The following PCDHGB1 variants were observed in gnomAD, a reference collection of about 807,000 sequenced individuals.
The protein encoded by PCDHGB1 is protocadherin gamma subfamily B, 1.
A neutral mutation model predicts 56.6 loss-of-function variants in PCDHGB1; 34 were observed. The ratio of observed to expected loss-of-function variants is 0.60; its 90% CI spans 0.46 to 0.80. PCDHGB1 has a LOEUF of 0.80. PCDHGB1 is among the 30% of genes least tolerant of loss of function. The pLI is 0.00. For synonymous variants in PCDHGB1, 561 were observed against 505.9 expected, an observed-to-expected ratio of 1.11 and a Z score of -1.46; for missense variants, 1,278 against 1,204.6, an observed-to-expected ratio of 1.06 and a Z score of -0.90.
intron 1 of PCDHGB1, among the ~76,000 whole-genome samples, chr5:141,424,884 T>C (rs953145254): frequency 2.0e-5 from 3 of 152,186 alleles, no homozygotes; most frequent in Non-Finnish European, 4.4e-5. Flanking sequence ...AGGAGACTTA[T>C]CTAGGGTTTT....
Position 141,351,941 on chromosome 5 carries a change from C to A in PCDHGB1, c.1681C>A (p.Pro561Thr). 1.2e-6 allele frequency: 2 copies of A among 1,613,206 alleles called. No individual in the cohort carries two copies. Among genetic ancestry groups the A allele is most frequent in the East Asian group, 2.2e-5 (1 of 44,868 alleles). Reference sequence around the variant, plus strand: ...TGACAATGCGCCACGGGTGCTGTACCCCGCGCTGGGGCCTGATGGCTCCGC... The same window carrying A: ...TGACAATGCGCCACGGGTGCTGTACACCGCGCTGGGGCCTGATGGCTCCGC... ...LNDNAPRVLY[P>T]ALGPDGSALF... Residue 561 changes from proline to threonine, a missense_variant, in exon 1 of 4, where the codon CCC becomes ACC. By Grantham distance (38) the Pro-to-Thr change is conservative. Transcript: ENST00000523390.
chr5:141,366,064 G>C (rs761173450), intron 1 of PCDHGB1: 2 of 1,614,106 alleles, frequency 1.2e-6, no homozygotes, highest in Non-Finnish European at 1.7e-6. Flanking sequence ...TGGAGCTGGC[G>C]CCTCGCTCCG....
intron 1 of PCDHGB1, among the ~76,000 whole-genome samples, chr5:141,406,072 C>CTTT (rs530474569): frequency 7.1e-6 from 1 of 141,484 alleles, no homozygotes. Flanking sequence ...ATTCTTACTC[C>CTTT]TTTTTTTTTT....
chr5:141,417,644 AG>A, intron 1 of PCDHGB1: 1 of 779,202 alleles, frequency 1.3e-6, no homozygotes, highest in South Asian at 2.1e-5. Flanking sequence ...GGGATCCCTC[AG>A]CCTCTAGCCT....
intron 2 of PCDHGB1, among the ~76,000 whole-genome samples, chr5:141,500,189 TTTATTTA>T (rs1562193869): frequency 4.5e-5 from 5 of 110,894 alleles, no homozygotes; most frequent in African/African-American, 1.8e-4. Context: ...TTTATTTTTA[TTTATTTA>T]TTTATTTATT....
rs764658508 is a variant in PCDHGB1 at position 141,431,546 on chromosome 5, G to A, written c.2410-63261G>A. 1.2e-6 allele frequency: 2 copies of A among 1,614,000 alleles called. No homozygotes were observed. Among genetic ancestry groups the A allele is most frequent in the Admixed American group, 3.3e-5 (2 of 60,012 alleles). On this transcript the variant is annotated intron_variant, in intron 1 of 3. Coordinates refer to ENST00000523390, the MANE Select transcript of PCDHGB1 (RefSeq NM_018922.3). This position sits in a 1 kb window ranked among gnomAD's most constrained non-coding sequence, Gnocchi z 4.8. The stretch of plus-strand genomic sequence containing the variant: ...TCTGGCCTTGGGCACGCAGCTGCTT[G>A]TAGTCAACGCTACCGACCCTGACGA...
intron 1 of PCDHGB1, chr5:141,421,255 C>A (rs759899934): frequency 1.9e-6 from 3 of 1,607,644 alleles, no homozygotes; most frequent in Non-Finnish European, 2.5e-6. Context: ...GCGCGGGGAC[C>A]GCAGTCGGCT....
intron 1 of PCDHGB1, chr5:141,422,273 C>T: frequency 6.4e-7 from 1 of 1,560,808 alleles, no homozygotes; most frequent in Non-Finnish European, 8.6e-7. Flanking sequence ...CCAGAAATAA[C>T]TATCACCTCT....
intron 1 of PCDHGB1, among the ~76,000 whole-genome samples, chr5:141,450,829 A>ATTTT (rs373424450): frequency 2.2e-4 from 30 of 135,142 alleles, no homozygotes; most frequent in African/African-American, 6.3e-4. Flanking sequence ...TATTATTATT[A>ATTTT]TTTTTTTTTT....
rs762418103 is a variant in PCDHGB1 at position 141,364,738 on chromosome 5, A to G, written c.2409+12069A>G. Reference sequence around the variant, plus strand: ...ATAACTTCCCGCGTTTCCGGGATGAAGAGTTAAAAGTAAAAGTTAATGAAA... The same window carrying G: ...ATAACTTCCCGCGTTTCCGGGATGAGGAGTTAAAAGTAAAAGTTAATGAAA... On this transcript the variant is annotated intron_variant, in intron 1 of 3. Transcript: ENST00000523390. The G allele has an allele frequency of 3.1e-6, 5 of 1,613,948 alleles. 1 individual carries two copies. In the South Asian group the frequency reaches 5.5e-5, roughly 18 times the overall value.
chr5:141,468,419 G>A (rs1733006381), intron 1 of PCDHGB1: 1 of 151,826 alleles, frequency 6.6e-6, no homozygotes, highest in Admixed American at 6.6e-5. Flanking sequence ...AAGTTAGATA[G>A]CAAGGTAATA....
chr5:141,385,298 G>A (rs1409031209), intron 1 of PCDHGB1: 2 of 1,612,982 alleles, frequency 1.2e-6, no homozygotes, highest in Non-Finnish European at 8.5e-7. Context: ...TTTCAGGAAT[G>A]TAAAGAAAAC....
intron 1 of PCDHGB1, chr5:141,398,580 A>T: frequency 1.2e-6 from 2 of 1,614,044 alleles, no homozygotes; most frequent in Non-Finnish European, 1.7e-6. Flanking sequence ...CTGGCACAAG[A>T]TTTATACTAG....
Position 141,352,128 on chromosome 5 carries a change from G to A in PCDHGB1, c.1868G>A (p.Arg623His), listed in dbSNP as rs369451031. ...CTGGGGTTGCGCACGGGTGAGGTGCGCACAGCGCGTGCCTTGGGCGACAGG... is the reference window on the plus strand; with the variant it reads ...CTGGGGTTGCGCACGGGTGAGGTGCACACAGCGCGTGCCTTGGGCGACAGG... ...FSLGLRTGEV[R>H]TARALGDRDA... is the part of the protein sequence containing the mutation. Residue 623 changes from arginine (R) to histidine (H), a missense_variant, in exon 1 of 4, where the codon CGC (arginine) becomes CAC (histidine). By Grantham distance (29) the Arg-to-His change is conservative. Transcript: ENST00000523390. The A allele has an allele frequency of 4.3e-5, 69 of 1,610,058 alleles. No homozygotes were observed. The African/African-American group carries it at 7.9e-4, about 18-fold the overall frequency.
At chr5:141,410,746 C>T in intron 1 of PCDHGB1, 1 of 1,269,920 alleles carries the variant, frequency 7.9e-7, no homozygotes, top group Non-Finnish European at 1.1e-6. Flanking sequence ...ACAATATTTT[C>T]TCAATGTTTT....
At chr5:141,422,229 G>C in intron 1 of PCDHGB1, 4 of 1,565,880 alleles carry the variant, frequency 2.6e-6, no homozygotes, top group Non-Finnish European at 3.4e-6. Flanking sequence ...CCACGACGAT[G>C]TTGATCACTG....
chr5:141,372,645 T>G (rs1317150065), intron 1 of PCDHGB1: 2 of 1,613,914 alleles, frequency 1.2e-6, no homozygotes, highest in African/African-American at 2.7e-5. Context: ...TTTGCCTTAT[T>G]CCTACAATCC....
At chr5:141,369,551 T>G (rs1335245789) in intron 1 of PCDHGB1, among the ~76,000 whole-genome samples, 1 of 152,156 alleles carries the variant, frequency 6.6e-6, no homozygotes, top group Non-Finnish European at 1.5e-5. Context: ...AAGTAGACAC[T>G]TGGAAACAAA....
chr5:141,486,083 C>T lies in PCDHGB1; in HGVS notation c.2410-8724C>T, dbSNP rs367657659. On this transcript the variant is annotated intron_variant, in intron 1 of 3. Coordinates refer to ENST00000523390, the MANE Select transcript of PCDHGB1 (RefSeq NM_018922.3). This position sits in a 1 kb window ranked among gnomAD's most constrained non-coding sequence, Gnocchi z 5.0. ...GCACCCCACTACTGGAAAGCTTACTCTTTTGGGGCCCCTAGACTTTGAGAG... is the reference window on the plus strand; with the variant it reads ...GCACCCCACTACTGGAAAGCTTACTTTTTTGGGGCCCCTAGACTTTGAGAG... The T allele has an allele frequency of 1.2e-6, 2 of 1,614,062 alleles. No individual in the cohort carries two copies. Among genetic ancestry groups the T allele is most frequent in the Non-Finnish European group, 1.7e-6 (2 of 1,180,040 alleles).
Sources: allele counts gnomAD v4.1 joint callset (sites outside exome capture counted in the v4.1 genomes callset), GRCh38; gene constraint gnomAD v4.1.1; non-coding constraint Gnocchi (gnomAD v3.1); transcripts MANE v1.5; gene names NCBI Gene and HGNC (gene_info 2026-07-23, HGNC 2026-07-21).